Variants in KIRREL3 observed in about 807,000 individuals in gnomAD.
KIRREL3 encodes kirre like nephrin family adhesion molecule 3.
KIRREL3 carries 36 observed loss-of-function variants against 89.7 expected under a neutral mutation model. The observed-to-expected ratio is 0.40, with a 90% confidence interval of 0.31 to 0.53. The LOEUF is 0.53. KIRREL3 is among the 20% of genes least tolerant of loss of function. KIRREL3 has a pLI of 0.49. For missense variants in KIRREL3, 864 were observed against 1,056.6 expected (o/e 0.82, Z 2.53); for synonymous variants, 445 against 441.4 (o/e 1.01, Z -0.10).
In KIRREL3 at chr11:126,601,506, T is replaced by A. The variant is rs1942653997; in HGVS notation, c.56-38594A>T. 6.6e-6 allele frequency among the ~76,000 whole-genome samples: 1 copy of A among 152,238 alleles called. No individual in the cohort carries two copies. Among genetic ancestry groups the A allele is most frequent in the Admixed American group, 6.5e-5 (1 of 15,292 alleles). ...TCAAACGTTATTATCCCAATGTAAG[T>A]CAATTTACCTTTGAATTTGAAGGCT... On this transcript the variant is annotated intron_variant, in intron 1 of 16. Coordinates refer to ENST00000525144, the MANE Select transcript of KIRREL3 (RefSeq NM_032531.4). The surrounding 1 kb of genome is among the most constrained non-coding windows in gnomAD (Gnocchi z 5.8).
At chr11:126,552,430 T>A (rs1451371722) in intron 2 of KIRREL3, among the ~76,000 whole-genome samples, 2 of 152,290 alleles carry the variant, frequency 1.3e-5, no homozygotes, top group East Asian at 3.9e-4. Flanking sequence ...CCCTAGGAAT[T>A]CTGACATAAG....
intron 1 of KIRREL3, among the ~76,000 whole-genome samples, chr11:126,638,128 G>A (rs1944335142): frequency 1.3e-5 from 2 of 152,206 alleles, no homozygotes; most frequent in South Asian, 4.1e-4. Context: ...CTGGGAATGG[G>A]AAGCTCAGAA....
At chr11:126,726,678 C>T (rs988666146) in intron 1 of KIRREL3, among the ~76,000 whole-genome samples, 1 of 152,194 alleles carries the variant, frequency 6.6e-6, no homozygotes, top group Non-Finnish European at 1.5e-5. Flanking sequence ...CGCCCAGCCA[C>T]AAGATGCCTC....
rs1944445858 is a variant in KIRREL3 at position 126,640,968 on chromosome 11, T to C, written c.56-78056A>G. Among the ~76,000 whole-genome samples the C allele has an allele frequency of 6.6e-6, 1 of 152,148 alleles. No individual in the cohort carries two copies. Among genetic ancestry groups the C allele is most frequent in the Non-Finnish European group, 1.5e-5 (1 of 68,030 alleles). ...GACCACCCCCTAAACTCTGGACTCA[T>C]CTATCCAATTGCCTAGTTCTCCCCT... On this transcript the variant is annotated intron_variant, in intron 1 of 16. Transcript: ENST00000525144. This position sits in a 1 kb window ranked among gnomAD's most constrained non-coding sequence, Gnocchi z 4.9.
chr11:126,507,632 G>C (rs1014747410), intron 4 of KIRREL3, among the ~76,000 whole-genome samples: 5 of 152,202 alleles, frequency 3.3e-5, no homozygotes, highest in African/African-American at 4.8e-5. Flanking sequence ...ACAGTACCTG[G>C]CATGTGGAAG....
intron 1 of KIRREL3, among the ~76,000 whole-genome samples, chr11:126,631,178 G>A (rs560431830): frequency 2.0e-5 from 3 of 151,958 alleles, no homozygotes; most frequent in South Asian, 4.2e-4. Context: ...TATGTATTCA[G>A]CAACCTCTAG....
At position 126,623,339 on chromosome 11, in the gene KIRREL3, C is replaced by A. The variant is rs529497796; in HGVS notation, c.56-60427G>T. 4.6e-5 allele frequency among the ~76,000 whole-genome samples: 7 copies of A among 152,134 alleles called. No homozygotes were observed. Among genetic ancestry groups the A allele is most frequent in the Non-Finnish European group, 8.8e-5 (6 of 68,030 alleles). On this transcript the variant is annotated intron_variant, in intron 1 of 16. Coordinates refer to ENST00000525144, the MANE Select transcript of KIRREL3 (RefSeq NM_032531.4). The surrounding 1 kb of genome is among the most constrained non-coding windows in gnomAD (Gnocchi z 4.1). Reference sequence around the variant, plus strand: ...TGGTGTATGAGCAGGCCCCTGGGATCGACACATGGATGAAGGGAGCCCTCT... The same window carrying A: ...TGGTGTATGAGCAGGCCCCTGGGATAGACACATGGATGAAGGGAGCCCTCT...
rs576941671 is a variant in KIRREL3, at chr11:126,673,652, T to C, written c.56-110740A>G. On this transcript the variant is annotated intron_variant, in intron 1 of 16. Coordinates refer to ENST00000525144, the MANE Select transcript of KIRREL3 (RefSeq NM_032531.4). Reference sequence around the variant, plus strand: ...AAATGAGGGCTCAGGGCCTCACTCATCACACGTGTGCCTTCCATGGGATGT... The same window carrying C: ...AAATGAGGGCTCAGGGCCTCACTCACCACACGTGTGCCTTCCATGGGATGT... Among the ~76,000 whole-genome samples the C allele has an allele frequency of 7.2e-5, 11 of 152,314 alleles. No individual in the cohort carries two copies. The South Asian group carries it at 2.1e-3, about 29-fold the overall frequency.
At chr11:126,592,651 A>G (rs1942195224) in intron 1 of KIRREL3, among the ~76,000 whole-genome samples, 2 of 152,208 alleles carry the variant, frequency 1.3e-5, no homozygotes, top group Admixed American at 6.5e-5. Context: ...GCTGTGCGGG[A>G]AACAGCGCGC....
Position 126,697,935 on chromosome 11 carries a change from G to T in KIRREL3, c.56-135023C>A, listed in dbSNP as rs1308847815. On this transcript the variant is annotated intron_variant, in intron 1 of 16. Transcript: ENST00000525144. This position sits in a 1 kb window ranked among gnomAD's most constrained non-coding sequence, Gnocchi z 4.2. ...GTGATGAGAAGAGAGAGCCAGGGAG[G>T]CTCAGAGACTGAGCAAGTGCCAAGA... Among the ~76,000 whole-genome samples the T allele has an allele frequency of 2.0e-5, 3 of 152,190 alleles. No individual in the cohort carries two copies. The highest frequency in any genetic ancestry group is 4.4e-5 in the Non-Finnish European group (3 of 68,038).
intron 1 of KIRREL3, among the ~76,000 whole-genome samples, chr11:126,711,423 G>A (rs1277567984): frequency 6.6e-6 from 1 of 152,154 alleles, no homozygotes; most frequent in Non-Finnish European, 1.5e-5. Flanking sequence ...TAGCTGGGGG[G>A]TGGTGGCTCA....
In KIRREL3 at chr11:126,805,206, A is replaced by T. The variant is rs778715885; in HGVS notation, c.55+195249T>A. The stretch of plus-strand genomic sequence containing the variant: ...ATTCAGATTAATCCCTTCATAAATT[A>T]ATACATGAAACAATGCAGTGATGAC... On this transcript the variant is annotated intron_variant, in intron 1 of 16. Coordinates refer to ENST00000525144, the MANE Select transcript of KIRREL3 (RefSeq NM_032531.4). This position sits in a 1 kb window ranked among gnomAD's most constrained non-coding sequence, Gnocchi z 4.3. 1.3e-5 allele frequency among the ~76,000 whole-genome samples: 2 copies of T among 152,208 alleles called. No individual in the cohort carries two copies. The highest frequency in any genetic ancestry group is 2.9e-5 in the Non-Finnish European group (2 of 68,042).
chr11:126,851,710 T>C (rs1375963523), intron 1 of KIRREL3, among the ~76,000 whole-genome samples: 1 of 152,138 alleles, frequency 6.6e-6, no homozygotes, highest in Non-Finnish European at 1.5e-5. Flanking sequence ...AGGATGCAAA[T>C]TGTGGACTCA....
chr11:126,601,373 A>T lies in KIRREL3; in HGVS notation c.56-38461T>A, dbSNP rs1001254642. ...CTGCTAATGCCCTGAGGCGATGGGAACACAGCTCTGGGAGCACCTGCAATC... is the reference window on the plus strand; with the variant it reads ...CTGCTAATGCCCTGAGGCGATGGGATCACAGCTCTGGGAGCACCTGCAATC... On this transcript the variant is annotated intron_variant, in intron 1 of 16. Coordinates refer to ENST00000525144, the MANE Select transcript of KIRREL3 (RefSeq NM_032531.4). This position sits in a 1 kb window ranked among gnomAD's most constrained non-coding sequence, Gnocchi z 5.8. 6.6e-6 allele frequency among the ~76,000 whole-genome samples: 1 copy of T among 152,204 alleles called. No homozygotes were observed. Among genetic ancestry groups the T allele is most frequent in the Non-Finnish European group, 1.5e-5 (1 of 68,036 alleles).
At chr11:126,512,094 G>A (rs1000705889) in intron 4 of KIRREL3, among the ~76,000 whole-genome samples, 2 of 152,224 alleles carry the variant, frequency 1.3e-5, no homozygotes, top group African/African-American at 4.8e-5. Flanking sequence ...CATGAGATGA[G>A]GGGGAATCAG....
intron 5 of KIRREL3, among the ~76,000 whole-genome samples, chr11:126,469,728 A>G (rs968487763): frequency 1.3e-5 from 2 of 152,194 alleles, no homozygotes; most frequent in African/African-American, 4.8e-5. Flanking sequence ...AGAGGCCCAG[A>G]GAAATGAAGT....
chr11:126,547,452 T>A (rs539234467), intron 2 of KIRREL3, among the ~76,000 whole-genome samples: 18 of 152,204 alleles, frequency 1.2e-4, no homozygotes, highest in South Asian at 4.1e-4. Context: ...TGCCTGTGTG[T>A]ACGCGTGATC....
intron 1 of KIRREL3, among the ~76,000 whole-genome samples, chr11:126,626,250 G>T (rs1159276210): frequency 6.6e-6 from 1 of 152,234 alleles, no homozygotes; most frequent in Non-Finnish European, 1.5e-5. Flanking sequence ...CTCTGGGGCT[G>T]GGTGTGCCCT....
intron 1 of KIRREL3, among the ~76,000 whole-genome samples, chr11:126,702,868 A>G (rs1161462035): frequency 6.6e-6 from 1 of 152,212 alleles, no homozygotes; most frequent in East Asian, 1.9e-4. Context: ...CCTGTGCCCA[A>G]GTTGTTCCCA....
Sources: allele counts gnomAD v4.1 joint callset (sites outside exome capture counted in the v4.1 genomes callset), GRCh38; gene constraint gnomAD v4.1.1; non-coding constraint Gnocchi (gnomAD v3.1); transcripts MANE v1.5; gene names NCBI Gene and HGNC (gene_info 2026-07-23, HGNC 2026-07-21).